Variants in BIVM observed in about 807,000 individuals in gnomAD.
BIVM encodes basic, immunoglobulin-like variable motif containing, also known as basic immunoglobulin-like variable motif-containing protein.
A neutral mutation model predicts 61.4 loss-of-function variants in BIVM; 31 were observed. The observed-to-expected ratio is 0.51, with a 90% confidence interval of 0.38 to 0.68. The LOEUF (loss-of-function observed/expected upper bound fraction) is 0.68, where lower values mean the gene tolerates loss of function less well. Among genes scored for constraint, BIVM ranks in the 30% least tolerant of loss-of-function variants. The probability of loss-of-function intolerance (pLI) is 0.00; values close to 1 mark genes in which losing one functional copy is unlikely to be tolerated. For missense variants in BIVM, 526 were observed against 596.0 expected (o/e 0.88, Z 1.22); for synonymous variants, 189 against 210.7 (o/e 0.90, Z 0.89).
In BIVM at chr13:102,840,231, A is replaced by G. The variant is rs575477412; in HGVS notation, c.*366A>G. On this transcript the variant is annotated 3_prime_UTR_variant, in exon 11 of 11. Coordinates refer to ENST00000257336, the MANE Select transcript of BIVM (RefSeq NM_017693.4). ...TGACTTTTATAATGACTCGATCCCT[A>G]GACATTTGTTACAGATAGTTTTATG... The G allele has an allele frequency of 1.2e-5, 2 of 168,786 alleles. No homozygotes were observed. Among genetic ancestry groups the G allele is most frequent in the South Asian group, 3.7e-4 (2 of 5,422 alleles). The allele number at this position is 168,786 out of a possible 1,614,324, so 10.5% of individuals were successfully genotyped here.
At chr13:102,833,106 A>G (rs1881208686) in intron 8 of BIVM, among the ~76,000 whole-genome samples, 6 of 151,800 alleles carry the variant, frequency 4.0e-5, no homozygotes, top group Admixed American at 3.9e-4. Flanking sequence ...AAAAAATACA[A>G]AAGTTAGCTG....
chr13:102,810,851 T>A (rs1033717206), intron 3 of BIVM, among the ~76,000 whole-genome samples: 2 of 152,176 alleles, frequency 1.3e-5, no homozygotes, highest in Non-Finnish European at 2.9e-5. Flanking sequence ...ACTTCAGCCT[T>A]CTGAGTAGCT....
intron 1 of BIVM, among the ~76,000 whole-genome samples, chr13:102,804,217 G>A (rs1878919835): frequency 6.6e-6 from 1 of 151,734 alleles, no homozygotes; most frequent in Non-Finnish European, 1.5e-5. Context: ...GCGCGATCTT[G>A]GCTCAACGCA....
At chr13:102,836,331 G>C (rs1165647204) in intron 9 of BIVM, among the ~76,000 whole-genome samples, 2 of 151,864 alleles carry the variant, frequency 1.3e-5, no homozygotes, top group Admixed American at 6.6e-5. Flanking sequence ...TTATTGTTTT[G>C]AGACAGGGTC....
intron 7 of BIVM, among the ~76,000 whole-genome samples, chr13:102,823,103 G>C (rs1880411327): frequency 6.6e-6 from 1 of 152,202 alleles, no homozygotes; most frequent in Admixed American, 6.5e-5. Context: ...ATTAAGGGTT[G>C]TGGGTTCTCT....
At chr13:102,806,685 C>A (rs1421914179) in intron 2 of BIVM, among the ~76,000 whole-genome samples, 1 of 151,830 alleles carries the variant, frequency 6.6e-6, no homozygotes, top group African/African-American at 2.4e-5. Context: ...CAGAGGTGGG[C>A]AGATCACTTG....
At chr13:102,828,195 T>C in intron 7 of BIVM, among the ~76,000 whole-genome samples, 1 of 152,168 alleles carries the variant, frequency 6.6e-6, no homozygotes, top group East Asian at 1.9e-4. Context: ...TTAATATCAG[T>C]ATTTTTTTCA....
intron 5 of BIVM, among the ~76,000 whole-genome samples, 187 bp downstream of exon 5, chr13:102,821,319 T>TA (rs1880261802): frequency 6.6e-6 from 1 of 152,154 alleles, no homozygotes; most frequent in African/African-American, 2.4e-5. Context: ...ATGGGCTGGG[T>TA]ACAGTGGCCC....
chr13:102,830,996 A>G (rs1418108333), intron 7 of BIVM, among the ~76,000 whole-genome samples: 1 of 152,160 alleles, frequency 6.6e-6, no homozygotes, highest in South Asian at 2.1e-4. Context: ...AGAAGTTTGC[A>G]TTTTTAGAAC....
At chr13:102,822,331 T>A (rs947340654) in intron 7 of BIVM, among the ~76,000 whole-genome samples, 172 bp downstream of exon 7, 1 of 152,246 alleles carries the variant, frequency 6.6e-6, no homozygotes, top group African/African-American at 2.4e-5. Context: ...CACTTTTTAA[T>A]AAGCAGTTTA....
intron 3 of BIVM, among the ~76,000 whole-genome samples, chr13:102,813,943 T>C (rs756189604): frequency 2.6e-5 from 4 of 152,210 alleles, no homozygotes; most frequent in Non-Finnish European, 5.9e-5. Flanking sequence ...CACCTCACTT[T>C]CAGTGATGGT....
intron 4 of BIVM, among the ~76,000 whole-genome samples, chr13:102,819,666 C>T (rs1035912183): frequency 1.3e-5 from 2 of 151,828 alleles, no homozygotes; most frequent in African/African-American, 4.8e-5. Context: ...GAGTGTAATA[C>T]CTAGGTAATG....
intron 7 of BIVM, among the ~76,000 whole-genome samples, chr13:102,828,254 T>C (rs369784670): frequency 6.6e-6 from 1 of 152,324 alleles, no homozygotes; most frequent in Admixed American, 6.5e-5. Flanking sequence ...TTGCCAACAT[T>C]AGGTCTCTGT....
chr13:102,837,095 T>C (rs895991760), intron 9 of BIVM, among the ~76,000 whole-genome samples: 1 of 152,136 alleles, frequency 6.6e-6, no homozygotes, highest in East Asian at 1.9e-4. Context: ...CTTGGCACTA[T>C]GGCGAAACCC....
chr13:102,814,437 G>A (rs1458530954), intron 3 of BIVM, among the ~76,000 whole-genome samples: 1 of 152,092 alleles, frequency 6.6e-6, no homozygotes, highest in East Asian at 1.9e-4. Flanking sequence ...GAGAATAGGG[G>A]GCAAGGTCAT....
Position 102,827,296 on chromosome 13 carries a change from A to G in BIVM, c.902-4269A>G, listed in dbSNP as rs959484248. On this transcript the variant is annotated intron_variant, in intron 7 of 10. Coordinates refer to ENST00000257336, the MANE Select transcript of BIVM (RefSeq NM_017693.4). ...ATGACTTTTTTTTTTTTTTTAACCT[A>G]TTTGTTTAAATTTCCTCCAGCATAC... is the stretch of plus-strand genomic sequence containing the variant. Among the ~76,000 whole-genome samples, 5 of 132,764 alleles carry G rather than the reference A, an allele frequency of 3.8e-5. No homozygotes were observed. In the Admixed American group the frequency reaches 3.8e-4, roughly 10 times the overall value. The allele number at this position is 132,764 out of a possible 152,430, so 87.1% of individuals were successfully genotyped here.
At chr13:102,826,731 C>A (rs955785483) in intron 7 of BIVM, among the ~76,000 whole-genome samples, 4 of 152,088 alleles carry the variant, frequency 2.6e-5, no homozygotes, top group Admixed American at 2.0e-4. Context: ...TTTTTGCCTG[C>A]TGATTAGAAG....
chr13:102,834,684 G>A, intron 9 of BIVM, 132 bp downstream of exon 9: 1 of 745,652 alleles, frequency 1.3e-6, no homozygotes, highest in East Asian at 3.3e-5. Context: ...ACAGGATATG[G>A]TACACATTCA....
At chr13:102,830,196 C>T (rs1880968120) in intron 7 of BIVM, among the ~76,000 whole-genome samples, 1 of 152,132 alleles carries the variant, frequency 6.6e-6, no homozygotes, top group South Asian at 2.1e-4. Context: ...CTTATTCCAC[C>T]TTATATAAAA....
Sources: gnomAD v4.1 joint callset for allele counts (sites outside exome capture counted in the v4.1 genomes callset) on GRCh38, gnomAD v4.1.1 for gene constraint, MANE v1.5 for transcripts, NCBI Gene and HGNC (gene_info 2026-07-23, HGNC 2026-07-21) for gene names.